DCAF5: variants seen among roughly 807,000 people sequenced by gnomAD.
The protein encoded by DCAF5 is DDB1- and CUL4-associated factor 5.
DCAF5 carries 9 observed loss-of-function variants against 80.7 expected under a neutral mutation model. The observed-to-expected ratio is 0.11, with a 90% CI of 0.07 to 0.19. The LOEUF is 0.19. Ranked by LOEUF, DCAF5 falls within the 10% of genes least tolerant of loss-of-function variation. DCAF5 has a pLI of 1.00. For synonymous variants in DCAF5, 433 were observed against 461.9 expected (o/e 0.94, Z 0.80); for missense variants, 842 against 1,205.7 (o/e 0.70, Z 4.47).
Position 69,116,478 on chromosome 14 carries a change from T to C in DCAF5, c.553A>G (p.Asn185Asp), listed in dbSNP as rs766476000. The C allele has an allele frequency of 8.1e-6, 13 of 1,613,326 alleles. No homozygotes were observed. The highest frequency in any genetic ancestry group is 6.7e-5 in the African/African-American group (5 of 75,010). The change falls in exon 5 of 9, where the codon AAC (asparagine) becomes GAC (aspartate). Residue 185 changes from asparagine (N) to aspartate (D), a missense_variant. By Grantham distance (23) the Asn-to-Asp change is conservative (BLOSUM62 1). Transcript: ENST00000341516. ...SPHGEPFCLA[N>D]YPSAFHSVMF... is the part of the protein sequence containing the mutation. Reference sequence around the variant, plus strand: ...ACACTATGAAAGGCTGATGGATAGTTTGCCAGGCAGAAGGGCTCTGTGGAA... The same window carrying C: ...ACACTATGAAAGGCTGATGGATAGTCTGCCAGGCAGAAGGGCTCTGTGGAA...
chr14:69,103,245 C>T (rs544893535), intron 5 of DCAF5, among the ~76,000 whole-genome samples: 58 of 152,098 alleles, frequency 3.8e-4, no homozygotes, highest in African/African-American at 1.2e-3. Flanking sequence ...TATTTTTCTA[C>T]GGGTACATGT....
chr14:69,060,891 G>C (rs1356793901), intron 8 of DCAF5, among the ~76,000 whole-genome samples: 1 of 151,940 alleles, frequency 6.6e-6, no homozygotes, highest in Middle Eastern at 3.4e-3. Context: ...TTTAGCTCTG[G>C]ATAGTTATTT....
intron 1 of DCAF5, among the ~76,000 whole-genome samples, chr14:69,124,925 A>G (rs2040830756): frequency 1.3e-5 from 2 of 152,216 alleles, no homozygotes; most frequent in South Asian, 4.1e-4. Flanking sequence ...AAAAAGTTAA[A>G]AGAGAGGCAC....
At chr14:69,144,313 C>G (rs555396139) in intron 1 of DCAF5, among the ~76,000 whole-genome samples, 2 of 151,856 alleles carry the variant, frequency 1.3e-5, no homozygotes, top group South Asian at 4.2e-4. Flanking sequence ...TGGCTCACGC[C>G]TGTAATCACA....
chr14:69,141,797 C>CCAA (rs1167567242), intron 1 of DCAF5, among the ~76,000 whole-genome samples: 1 of 152,182 alleles, frequency 6.6e-6, no homozygotes, highest in Non-Finnish European at 1.5e-5. Context: ...AGTCCTCCTG[C>CCAA]CAACATTATC....
At chr14:69,108,910 G>A (rs761453392) in intron 5 of DCAF5, among the ~76,000 whole-genome samples, 4 of 152,068 alleles carry the variant, frequency 2.6e-5, no homozygotes, top group African/African-American at 7.3e-5. Flanking sequence ...GACTCTTCTC[G>A]TTCTCTCTTT....
intron 5 of DCAF5, among the ~76,000 whole-genome samples, chr14:69,114,674 GT>G (rs375971027): frequency 1.3e-5 from 2 of 152,054 alleles, no homozygotes; most frequent in Non-Finnish European, 2.9e-5. Flanking sequence ...GATGGAACTT[GT>G]TTTTTTGTTT....
Position 69,153,076 on chromosome 14 carries a change from TC to T in DCAF5, c.-99del, listed in dbSNP as rs1381739679. ...ACCCGGCCCTCCCCCCGCGCTGCGA[TC>T]CGGATGGTTCTTTAACCAGCCATGG... On this transcript the variant is annotated 5_prime_UTR_variant, in exon 1 of 9. Transcript: ENST00000341516. The T allele has an allele frequency of 1.0e-6, 1 of 965,012 alleles. No individual in the cohort carries two copies. The highest frequency in any genetic ancestry group is 1.8e-5 in the African/African-American group (1 of 56,244). The allele number at this position is 965,012 out of a possible 1,614,324, so 59.8% of individuals were successfully genotyped here.
chr14:69,123,738 C>T (rs1403893426), intron 1 of DCAF5, among the ~76,000 whole-genome samples: 2 of 152,150 alleles, frequency 1.3e-5, no homozygotes, highest in African/African-American at 4.8e-5. Flanking sequence ...GTTGCCCAGG[C>T]TGGAGTATGC....
chr14:69,113,147 G>A (rs1025845810), intron 5 of DCAF5, among the ~76,000 whole-genome samples: 8 of 151,918 alleles, frequency 5.3e-5, no homozygotes, highest in African/African-American at 1.9e-4. Flanking sequence ...CTTGGGGTAA[G>A]ACAGGGAAAT....
rs139771764 is a variant in DCAF5, at chr14:69,062,738, C to T, written c.947-227G>A. 9.2e-5 allele frequency among the ~76,000 whole-genome samples: 14 copies of T among 152,240 alleles called. No individual in the cohort carries two copies. The East Asian group carries it at 2.7e-3, about 29-fold the overall frequency. The stretch of plus-strand genomic sequence containing the variant: ...CTTTATTTAGCCTTTAAGCATTGCC[C>T]ACACTCACCCACTGCAATTCCATTG... On this transcript the variant is annotated intron_variant, in intron 7 of 8. Coordinates refer to ENST00000341516, the MANE Select transcript of DCAF5 (RefSeq NM_003861.3).
intron 2 of DCAF5, among the ~76,000 whole-genome samples, chr14:69,121,102 C>G (rs1419605601): frequency 1.3e-5 from 2 of 152,136 alleles, no homozygotes; most frequent in Admixed American, 6.5e-5. Flanking sequence ...CTTAAAATGA[C>G]AAATAGTTTG....
chr14:69,125,397 G>A (rs1027002402), intron 1 of DCAF5, among the ~76,000 whole-genome samples: 1 of 152,170 alleles, frequency 6.6e-6, no homozygotes, highest in Non-Finnish European at 1.5e-5. Context: ...CACAAAACTG[G>A]TAATGGCTTA....
chr14:69,140,174 C>T (rs140349238), intron 1 of DCAF5, among the ~76,000 whole-genome samples: 14 of 151,612 alleles, frequency 9.2e-5, no homozygotes, highest in Non-Finnish European at 1.6e-4. Flanking sequence ...AGCTGAGGCA[C>T]GAGAATCTCT....
chr14:69,110,827 T>C (rs1463833434), intron 5 of DCAF5, among the ~76,000 whole-genome samples: 1 of 129,932 alleles, frequency 7.7e-6, no homozygotes, highest in Non-Finnish European at 1.5e-5. Flanking sequence ...GCAGTAGCCA[T>C]GATCATGCCA....
chr14:69,076,550 G>T lies in DCAF5; in HGVS notation c.880-1139C>A, dbSNP rs192434441. ...AGGCAGAAACAAAAAGACAGATATTGTATGACTCCATTTATATGAGGCACT... is the reference window on the plus strand; with the variant it reads ...AGGCAGAAACAAAAAGACAGATATTTTATGACTCCATTTATATGAGGCACT... On this transcript the variant is annotated intron_variant, in intron 6 of 8. Coordinates refer to ENST00000341516, the MANE Select transcript of DCAF5 (RefSeq NM_003861.3). Among the ~76,000 whole-genome samples, 656 of 152,324 alleles carry T rather than the reference G, an allele frequency of 4.3e-3. 5 individuals carry two copies. Among genetic ancestry groups the T allele is most frequent in the South Asian group, 0.028 (137 of 4,832 alleles).
chr14:69,065,740 A>C (rs1369664830), intron 7 of DCAF5, among the ~76,000 whole-genome samples: 1 of 152,228 alleles, frequency 6.6e-6, no homozygotes, highest in African/African-American at 2.4e-5. Context: ...CTTTAATTTG[A>C]AATAGCTAAA....
chr14:69,108,383 A>T (rs886190346), intron 5 of DCAF5, among the ~76,000 whole-genome samples: 1 of 152,198 alleles, frequency 6.6e-6, no homozygotes, highest in African/African-American at 2.4e-5. Context: ...AGCATCCTCT[A>T]TGTGTATGTG....
chr14:69,077,644 T>C (rs2038952012), intron 6 of DCAF5, among the ~76,000 whole-genome samples: 1 of 152,074 alleles, frequency 6.6e-6, no homozygotes, highest in East Asian at 1.9e-4. Context: ...TCCCAATGTG[T>C]TGGGATTATA....
Sources: allele counts gnomAD v4.1 joint callset (sites outside exome capture counted in the v4.1 genomes callset), GRCh38; gene constraint gnomAD v4.1.1; transcripts MANE v1.5; gene names NCBI Gene and HGNC (gene_info 2026-07-23, HGNC 2026-07-21).